The following RBFOX1 variants were observed in gnomAD, a reference collection of about 807,000 sequenced individuals.
The protein encoded by RBFOX1 is RNA binding protein fox-1 homolog 1.
A neutral mutation model predicts 57.7 loss-of-function variants in RBFOX1; 8 were observed. The ratio of observed to expected loss-of-function variants is 0.14; its 90% CI spans 0.08 to 0.25. The LOEUF is 0.25. Among genes scored for constraint, RBFOX1 ranks in the 10% least tolerant of loss-of-function variants. RBFOX1 has a pLI of 1.00. For missense variants in RBFOX1, 611 were observed against 548.5 expected (o/e 1.11, Z -1.14); for synonymous variants, 326 against 222.4 (o/e 1.47, Z -4.15).
At chr16:7,430,988 T>A (rs1232388072) in intron 4 of RBFOX1, among the ~76,000 whole-genome samples, 3 of 152,198 alleles carry the variant, frequency 2.0e-5, no homozygotes, top group African/African-American at 7.2e-5. Context: ...TGAATCTATG[T>A]TGTATGGTAG....
chr16:7,051,641 A>C (rs566368444), intron 3 of RBFOX1, among the ~76,000 whole-genome samples: 12 of 152,314 alleles, frequency 7.9e-5, no homozygotes, highest in African/African-American at 2.9e-4. Flanking sequence ...ACATTGGAGA[A>C]GACTTTGTGT....
intron 3 of RBFOX1, among the ~76,000 whole-genome samples, chr16:6,748,548 C>A (rs892513662): frequency 6.6e-6 from 1 of 152,086 alleles, no homozygotes; most frequent in Non-Finnish European, 1.5e-5. Context: ...CATTTGTAGT[C>A]CCAGCTTGGG....
intron 4 of RBFOX1, among the ~76,000 whole-genome samples, chr16:6,001,367 C>G (rs9938158): frequency 0.12 from 18,459 of 152,060 alleles, 1,373 homozygotes; most frequent in Middle Eastern, 0.26. Flanking sequence ...GTAAAGAAAC[C>G]ACCAATGGTG....
At chr16:7,133,974 G>A (rs753023257) in intron 4 of RBFOX1, among the ~76,000 whole-genome samples, 9 of 152,190 alleles carry the variant, frequency 5.9e-5, no homozygotes, top group Non-Finnish European at 1.2e-4. Context: ...ATAACATTAG[G>A]CTCTGCGGCA....
chr16:7,664,221 G>C (rs1166898967), intron 12 of RBFOX1, among the ~76,000 whole-genome samples: 1 of 152,094 alleles, frequency 6.6e-6, no homozygotes, highest in East Asian at 1.9e-4. Context: ...ATGCATTCCT[G>C]CACTTGTCCA....
chr16:6,759,613 G>C (rs2076324097), intron 3 of RBFOX1, among the ~76,000 whole-genome samples: 1 of 151,372 alleles, frequency 6.6e-6, no homozygotes, highest in Non-Finnish European at 1.5e-5. Flanking sequence ...AGAGCCTTTT[G>C]TTCTTTAGCA....
chr16:6,898,742 G>A (rs961889583), intron 3 of RBFOX1, among the ~76,000 whole-genome samples: 2 of 152,046 alleles, frequency 1.3e-5, no homozygotes, highest in Admixed American at 6.6e-5. Flanking sequence ...ACATGTGTAT[G>A]TGTCCATATA....
At chr16:6,575,304 T>A (rs1213147063) in intron 2 of RBFOX1, among the ~76,000 whole-genome samples, 2 of 152,150 alleles carry the variant, frequency 1.3e-5, no homozygotes, top group African/African-American at 4.8e-5. Context: ...TGTTTGGTCC[T>A]TGTATATTTA....
chr16:5,253,779 A>T (rs1596312430), intron 1 of RBFOX1, among the ~76,000 whole-genome samples: 1 of 152,264 alleles, frequency 6.6e-6, no homozygotes, highest in East Asian at 1.9e-4. Flanking sequence ...AGGCTCTTGC[A>T]CTTCCTTTGC....
At chr16:7,590,805 G>A (rs1401707282) in intron 7 of RBFOX1, among the ~76,000 whole-genome samples, 1 of 147,766 alleles carries the variant, frequency 6.8e-6, no homozygotes, top group Non-Finnish European at 1.5e-5. Context: ...ATTGCAGTGA[G>A]CCGAGATCAA....
chr16:6,959,449 G>T (rs184805525), intron 3 of RBFOX1, among the ~76,000 whole-genome samples: 1 of 152,266 alleles, frequency 6.6e-6, no homozygotes, highest in South Asian at 2.1e-4. Flanking sequence ...GGCAGAAGTT[G>T]GAATAAAATC....
intron 3 of RBFOX1, among the ~76,000 whole-genome samples, chr16:6,851,626 C>T (rs147738555): frequency 4.0e-4 from 61 of 152,298 alleles, no homozygotes; most frequent in African/African-American, 7.7e-4. Flanking sequence ...CATGCCTCCT[C>T]TCAAGCCTCC....
At chr16:7,501,322 C>G (rs1302910384) in intron 4 of RBFOX1, among the ~76,000 whole-genome samples, 2 of 152,200 alleles carry the variant, frequency 1.3e-5, no homozygotes, top group Non-Finnish European at 2.9e-5. Flanking sequence ...TCTCTCTGTT[C>G]TTACCCTTCC....
chr16:5,856,191 A>ATG (rs1567630855), intron 3 of RBFOX1, among the ~76,000 whole-genome samples: 1 of 51,494 alleles, frequency 1.9e-5, no homozygotes, highest in African/African-American at 6.1e-5. Context: ...CTCTCTCTAT[A>ATG]TATATATATA....
At chr16:7,535,233 G>A (rs1187247289) in intron 5 of RBFOX1, among the ~76,000 whole-genome samples, 1 of 152,098 alleles carries the variant, frequency 6.6e-6, no homozygotes, top group South Asian at 2.1e-4. Flanking sequence ...TTATGAAATT[G>A]CATTTCCCAT....
chr16:7,688,934 C>A (rs1304315747), intron 14 of RBFOX1, among the ~76,000 whole-genome samples: 2 of 152,088 alleles, frequency 1.3e-5, no homozygotes, highest in East Asian at 1.9e-4. Flanking sequence ...TGATTAAATA[C>A]CCCCTACGTG....
At chr16:7,545,595 C>G (rs888650795) in intron 5 of RBFOX1, among the ~76,000 whole-genome samples, 1 of 152,124 alleles carries the variant, frequency 6.6e-6, no homozygotes, top group Admixed American at 6.5e-5. Context: ...TTACTGAACC[C>G]CAGCTCAGTC....
intron 3 of RBFOX1, among the ~76,000 whole-genome samples, chr16:6,746,304 C>G (rs2073619559): frequency 6.6e-6 from 1 of 151,954 alleles, no homozygotes; most frequent in Non-Finnish European, 1.5e-5. Context: ...ACTTGAATGG[C>G]CAAAATATCT....
At chr16:5,761,410 T>G (rs2053584099) in intron 3 of RBFOX1, among the ~76,000 whole-genome samples, 1 of 152,226 alleles carries the variant, frequency 6.6e-6, no homozygotes, top group South Asian at 2.1e-4. Flanking sequence ...GTATTAGCTG[T>G]TCTCTTTCTG....
Sources: gnomAD v4.1 joint callset for allele counts (sites outside exome capture counted in the v4.1 genomes callset) on GRCh38, gnomAD v4.1.1 for gene constraint, MANE v1.5 for transcripts, NCBI Gene and HGNC (gene_info 2026-07-23, HGNC 2026-07-21) for gene names.